The following KCNT2 variants were observed in gnomAD, a reference collection of about 807,000 sequenced individuals.
KCNT2 encodes potassium channel subfamily T member 2.
Under a neutral mutation model 153.8 loss-of-function variants are expected in KCNT2, and 67 were observed. The ratio of observed to expected loss-of-function variants is 0.44; its 90% confidence interval spans 0.36 to 0.53. The LOEUF (loss-of-function observed/expected upper bound fraction) is 0.53. KCNT2 is among the 20% of genes least tolerant of loss of function. The probability of loss-of-function intolerance (pLI) is 0.00; values close to 1 mark genes in which losing one functional copy is unlikely to be tolerated. For synonymous variants in KCNT2, 500 were observed against 458.8 expected (o/e 1.09, Z -1.15); for missense variants, 975 against 1,354.8 (o/e 0.72, Z 4.40).
At chr1:196,293,638 T>C (rs1452545551) in intron 22 of KCNT2, among the ~76,000 whole-genome samples, 1 of 140,782 alleles carries the variant, frequency 7.1e-6, no homozygotes, top group Non-Finnish European at 1.5e-5. Context: ...TCTCATGCTA[T>C]ATGCAAAAAT....
intron 25 of KCNT2, among the ~76,000 whole-genome samples, chr1:196,271,191 C>G (rs531633071): frequency 1.3e-5 from 2 of 151,912 alleles, no homozygotes; most frequent in African/African-American, 4.8e-5. Flanking sequence ...CTGGTAAATA[C>G]AAATATTTGT....
intron 1 of KCNT2, among the ~76,000 whole-genome samples, chr1:196,524,595 G>A (rs1433342799): frequency 2.6e-5 from 4 of 152,072 alleles, no homozygotes; most frequent in East Asian, 1.9e-4. Context: ...GTAAATACAA[G>A]ACATATTACA....
intron 26 of KCNT2, among the ~76,000 whole-genome samples, chr1:196,247,676 A>G (rs946608000): frequency 1.4e-4 from 21 of 152,162 alleles, no homozygotes; most frequent in African/African-American, 3.1e-4. Context: ...ATCTTGTGAG[A>G]ACTCACTATT....
intron 25 of KCNT2, among the ~76,000 whole-genome samples, 198 bp downstream of exon 25, chr1:196,280,662 A>G (rs1659009059): frequency 6.6e-6 from 1 of 152,190 alleles, no homozygotes; most frequent in Non-Finnish European, 1.5e-5. Context: ...TTAGCCAACA[A>G]TATTTTTTGG....
intron 19 of KCNT2, 118 bp downstream of exon 19, chr1:196,326,599 T>G (rs932863066): frequency 5.8e-6 from 3 of 518,932 alleles, no homozygotes; most frequent in Non-Finnish European, 9.8e-6. Flanking sequence ...ATGAATCATG[T>G]ACCATAATGT....
chr1:196,288,481 G>A (rs910349575), intron 22 of KCNT2, among the ~76,000 whole-genome samples: 2 of 152,004 alleles, frequency 1.3e-5, no homozygotes, highest in African/African-American at 4.8e-5. Context: ...TATGTTTTTA[G>A]GATGCTCACT....
intron 8 of KCNT2, among the ~76,000 whole-genome samples, chr1:196,445,283 T>C (rs1275953359): frequency 6.6e-6 from 1 of 151,400 alleles, no homozygotes; most frequent in Non-Finnish European, 1.5e-5. Context: ...ACCAAATAAA[T>C]ATCAGCTAAT....
At chr1:196,328,118 A>T (rs1664067453) in intron 18 of KCNT2, among the ~76,000 whole-genome samples, 1 of 152,178 alleles carries the variant, frequency 6.6e-6, no homozygotes, top group Non-Finnish European at 1.5e-5. Flanking sequence ...AAATAAAAGA[A>T]AGAAAGTATT....
At position 196,448,331 on chromosome 1, in the gene KCNT2, T is replaced by C. The variant is rs547259510; in HGVS notation, c.638+16962A>G. Among the ~76,000 whole-genome samples, 14 of 151,734 alleles carry C rather than the reference T, an allele frequency of 9.2e-5. No individual in the cohort carries two copies. The South Asian group carries it at 2.9e-3, about 31-fold the overall frequency. On this transcript the variant is annotated intron_variant, in intron 8 of 27. Transcript: ENST00000294725. ...GCAATAGGCAGGGAGCCAATGCTAT[T>C]TGCACATTATAAAAATTTTTATAAA...
In KCNT2 at chr1:196,247,866, T is replaced by G. The variant is rs147929782; in HGVS notation, c.3211+10328A>C. 5.6e-4 allele frequency among the ~76,000 whole-genome samples: 86 copies of G among 152,278 alleles called. No individual in the cohort carries two copies. The East Asian group carries it at 8.1e-3, about 14-fold the overall frequency. ...AGTACACATTCTTCTCCTTAGTATA[T>G]GGATCATTCTCAAGGACAGGCCATA... On this transcript the variant is annotated intron_variant, in intron 26 of 27. Transcript: ENST00000294725.
chr1:196,569,435 T>C (rs185907498), intron 1 of KCNT2, among the ~76,000 whole-genome samples: 1 of 152,324 alleles, frequency 6.6e-6, no homozygotes, highest in Admixed American at 6.5e-5. Flanking sequence ...TAGTGTTATG[T>C]TGATTTTCAA....
intron 12 of KCNT2, among the ~76,000 whole-genome samples, chr1:196,419,811 C>A (rs752616126): frequency 4.6e-5 from 7 of 151,946 alleles, no homozygotes; most frequent in Non-Finnish European, 1.0e-4. Context: ...TGTTCCTCTT[C>A]CTCATATGCC....
At chr1:196,580,557 T>C (rs183952910) in intron 1 of KCNT2, among the ~76,000 whole-genome samples, 7 of 152,274 alleles carry the variant, frequency 4.6e-5, no homozygotes, top group African/African-American at 1.7e-4. Context: ...TGTATATACT[T>C]AGAAACAAAG....
intron 13 of KCNT2, among the ~76,000 whole-genome samples, chr1:196,386,076 C>A (rs1470177223): frequency 6.6e-6 from 1 of 152,054 alleles, no homozygotes; most frequent in Admixed American, 6.6e-5. Flanking sequence ...TGAGGATGCT[C>A]GAGCAGCCCA....
intron 18 of KCNT2, among the ~76,000 whole-genome samples, chr1:196,328,045 C>G (rs1375145846): frequency 6.6e-6 from 1 of 151,844 alleles, no homozygotes; most frequent in Non-Finnish European, 1.5e-5. Flanking sequence ...ATAACTAGAC[C>G]CACAAAGACT....
Position 196,428,177 on chromosome 1 carries a change from C to T in KCNT2, c.912G>A (p.Leu304=), listed in dbSNP as rs778882106. The change falls in exon 10 of 28, where the codon CTG becomes CTA. Residue 304 remains leucine (L), a synonymous_variant. Coordinates refer to ENST00000294725, the MANE Select transcript of KCNT2 (RefSeq NM_198503.5). ...AATCAATCTTCAGTGAGCTGACACA[C>T]AGGACGACATGCTTTTCAGTTTGAG... ...HRAQTEKHVV[L]CVSSLKIDLL... is the part of the protein sequence containing the mutation. 4 of 1,612,302 alleles carry T rather than the reference C, an allele frequency of 2.5e-6. No individual in the cohort carries two copies. The Admixed American group carries it at 5.0e-5, about 20-fold the overall frequency.
At chr1:196,250,755 G>A (rs2102296083) in intron 26 of KCNT2, among the ~76,000 whole-genome samples, 1 of 152,032 alleles carries the variant, frequency 6.6e-6, no homozygotes, top group East Asian at 1.9e-4. Flanking sequence ...GAATGTGTAA[G>A]GAGCTCAAAC....
chr1:196,334,101 A>G (rs1473590805), intron 16 of KCNT2, 41 bp from the exon 17 acceptor site: 8 of 1,324,870 alleles, frequency 6.0e-6, no homozygotes, highest in East Asian at 4.7e-5. Context: ...GGCGTTTGCC[A>G]TATTGATCAC....
At position 196,562,709 on chromosome 1, in the gene KCNT2, T is replaced by C. The variant is rs1659577740; in HGVS notation, c.95+45506A>G. Among the ~76,000 whole-genome samples the C allele has an allele frequency of 6.3e-5, 9 of 142,562 alleles. No homozygotes were observed. In the South Asian group the frequency reaches 2.0e-3, roughly 32 times the overall value. 93.5% of individuals were successfully genotyped at this position (142,562 alleles called of 152,430 possible). On this transcript the variant is annotated intron_variant, in intron 1 of 27. Transcript: ENST00000294725. The stretch of plus-strand genomic sequence containing the variant: ...GTAAGGTTCTGATTTCTTTCTTCTC[T>C]TTTTTTTTTTTCCTGAATTGCTAAT...
Sources: allele counts gnomAD v4.1 joint callset (sites outside exome capture counted in the v4.1 genomes callset), GRCh38; gene constraint gnomAD v4.1.1; transcripts MANE v1.5; gene names NCBI Gene and HGNC (gene_info 2026-07-23, HGNC 2026-07-21).